KIAA0319L: variants seen among roughly 807,000 people sequenced by gnomAD.
KIAA0319L encodes dyslexia-associated protein KIAA0319-like protein.
A neutral mutation model predicts 120.1 loss-of-function variants in KIAA0319L; 55 were observed. The observed-to-expected ratio is 0.46, with a 90% CI of 0.37 to 0.57. The LOEUF (loss-of-function observed/expected upper bound fraction) is 0.57. KIAA0319L is among the 20% of genes least tolerant of loss of function. The pLI, the probability that KIAA0319L is intolerant of heterozygous loss-of-function variation, is 0.00. For synonymous variants in KIAA0319L, 398 were observed against 471.9 expected, an observed-to-expected ratio of 0.84 and a Z score of 2.03; for missense variants, 1,049 against 1,255.3, an observed-to-expected ratio of 0.84 and a Z score of 2.48.
chr1:35,516,818 C>A (rs1436692685), intron 2 of KIAA0319L, among the ~76,000 whole-genome samples: 1 of 152,146 alleles, frequency 6.6e-6, no homozygotes, highest in Non-Finnish European at 1.5e-5. Flanking sequence ...ACAGTCTCGG[C>A]CCAAAAGCTG....
At chr1:35,532,793 G>C (rs1397543583) in intron 2 of KIAA0319L, among the ~76,000 whole-genome samples, 2 of 152,156 alleles carry the variant, frequency 1.3e-5, no homozygotes, top group African/African-American at 4.8e-5. Flanking sequence ...AATCTTTTGG[G>C]AAAGTCTGGA....
intron 2 of KIAA0319L, among the ~76,000 whole-genome samples, chr1:35,537,461 G>A (rs769670569): frequency 1.4e-5 from 2 of 141,252 alleles, no homozygotes; most frequent in Non-Finnish European, 3.0e-5. Context: ...GCAGAAATAT[G>A]TAAATTAAAC....
chr1:35,500,470 TA>T (rs1206494816), intron 3 of KIAA0319L, among the ~76,000 whole-genome samples: 1 of 152,262 alleles, frequency 6.6e-6, no homozygotes, highest in African/African-American at 2.4e-5. Flanking sequence ...CATTCCTTTC[TA>T]CTTTTGGAAT....
At chr1:35,540,913 CGTATCT>C (rs1646760762) in intron 2 of KIAA0319L, among the ~76,000 whole-genome samples, 1 of 152,058 alleles carries the variant, frequency 6.6e-6, no homozygotes, top group South Asian at 2.1e-4. Flanking sequence ...GGGCAGAAAC[CGTATCT>C]GTCTTGCTCA....
At chr1:35,536,924 G>A (rs757836383) in intron 2 of KIAA0319L, among the ~76,000 whole-genome samples, 1 of 151,362 alleles carries the variant, frequency 6.6e-6, no homozygotes, top group Non-Finnish European at 1.5e-5. Flanking sequence ...TGCATATGAT[G>A]TACTCAGAAT....
chr1:35,547,090 A>G (rs1647010379), intron 2 of KIAA0319L, among the ~76,000 whole-genome samples: 1 of 145,694 alleles, frequency 6.9e-6, no homozygotes, highest in African/African-American at 2.5e-5. Flanking sequence ...TGGATCATAT[A>G]TATTATTACA....
intron 20 of KIAA0319L, chr1:35,440,359 T>C (rs1328406636): frequency 1.3e-5 from 2 of 152,244 alleles, no homozygotes; most frequent in African/African-American, 2.4e-5. Flanking sequence ...TATATAAAAA[T>C]AGTTCTACTT....
At chr1:35,517,817 A>T (rs1329397937) in intron 2 of KIAA0319L, among the ~76,000 whole-genome samples, 1 of 152,244 alleles carries the variant, frequency 6.6e-6, no homozygotes, top group Non-Finnish European at 1.5e-5. Flanking sequence ...CTTGCAAACT[A>T]TGCATCTGAC....
At position 35,480,752 on chromosome 1, in the gene KIAA0319L, C is replaced by T. The variant is rs997072488; in HGVS notation, c.667-1540G>A. Among the ~76,000 whole-genome samples the T allele has an allele frequency of 2.0e-5, 3 of 151,906 alleles. 1 individual carries two copies. The highest frequency in any genetic ancestry group is 6.6e-5 in the Admixed American group (1 of 15,242). On this transcript the variant is annotated intron_variant, in intron 3 of 20. Transcript: ENST00000325722. ...GTGAGCCGATATCATGCCACTGTAC[C>T]TCAGCCTGGGCGACAGAGTGAAACT...
chr1:35,515,644 T>C (rs1052594810), intron 2 of KIAA0319L, among the ~76,000 whole-genome samples: 2 of 151,540 alleles, frequency 1.3e-5, no homozygotes, highest in African/African-American at 4.9e-5. Context: ...ACATCACAAC[T>C]GAAAGAGAAG....
intron 2 of KIAA0319L, among the ~76,000 whole-genome samples, chr1:35,538,333 A>G (rs1161228620): frequency 6.6e-6 from 1 of 152,236 alleles, no homozygotes; most frequent in Admixed American, 6.5e-5. Context: ...GCTCACGCCT[A>G]TAATTCCAGC....
intron 3 of KIAA0319L, among the ~76,000 whole-genome samples, chr1:35,482,896 T>G (rs1188877336): frequency 6.6e-6 from 1 of 152,238 alleles, no homozygotes; most frequent in East Asian, 1.9e-4. Flanking sequence ...AGTTATCATA[T>G]AATCTTGACA....
At chr1:35,533,257 TC>T (rs1482549270) in intron 2 of KIAA0319L, 1 of 152,100 alleles carries the variant, frequency 6.6e-6, no homozygotes, top group Non-Finnish European at 1.5e-5. Flanking sequence ...AGACAGAACG[TC>T]CCCTGTTTCA....
intron 14 of KIAA0319L, 86 bp downstream of exon 14, chr1:35,450,272 G>C (rs1641957138): frequency 2.2e-6 from 3 of 1,377,848 alleles, no homozygotes; most frequent in Non-Finnish European, 3.0e-6. Flanking sequence ...TGATATAAGG[G>C]ACCACTTGAT....
At chr1:35,499,611 G>A (rs1234842624) in intron 3 of KIAA0319L, among the ~76,000 whole-genome samples, 1 of 151,838 alleles carries the variant, frequency 6.6e-6, no homozygotes, top group South Asian at 2.1e-4. Flanking sequence ...GCCAATAAAC[G>A]CAATTTCAAA....
Position 35,434,756 on chromosome 1 carries a change from G to A in KIAA0319L, c.*138C>T. On this transcript the variant is annotated 3_prime_UTR_variant, in exon 21 of 21. Coordinates refer to ENST00000325722, the MANE Select transcript of KIAA0319L (RefSeq NM_024874.5). ...TCCTGGAGGACGTCTCTGGATTCAA[G>A]TCCCAGGGGTTCTGGTTGGGACTGT... 1.5e-6 allele frequency: 1 copy of A among 673,072 alleles called. No homozygotes were observed. The highest frequency in any genetic ancestry group is 2.5e-6 in the Non-Finnish European group (1 of 404,732). 41.7% of individuals were successfully genotyped at this position (673,072 alleles called of 1,614,324 possible).
At position 35,444,168 on chromosome 1, in the gene KIAA0319L, G is replaced by A. The variant is rs765000757; in HGVS notation, c.2649C>T (p.Asn883=). 34 of 1,597,576 alleles carry A rather than the reference G, an allele frequency of 2.1e-5. No homozygotes were observed. The highest frequency in any genetic ancestry group is 2.8e-5 in the Non-Finnish European group (33 of 1,172,844). ...ATTCCCAGAATTACTCACTGACAGT[G>A]TTGACTTCCAAGGCTCTGAATATCA... The part of the protein sequence containing the change: ...DFLIFRALEV[N]TVTCQLNCSD... Residue 883 remains asparagine, a synonymous_variant, in exon 17 of 21, where the codon AAC becomes AAT. Coordinates refer to ENST00000325722, the MANE Select transcript of KIAA0319L (RefSeq NM_024874.5).
At chr1:35,550,459 T>C (rs1042747940) in intron 2 of KIAA0319L, among the ~76,000 whole-genome samples, 1 of 152,222 alleles carries the variant, frequency 6.6e-6, no homozygotes, top group African/African-American at 2.4e-5. Context: ...GTTGTTGCTT[T>C]TTCAAGTAGG....
chr1:35,444,147 C>A lies in KIAA0319L; in HGVS notation c.2656+14G>T. The stretch of plus-strand genomic sequence containing the variant: ...TAGGTAGGCTCTTGCTCCCAAATTC[C>A]CAGAATTACTCACTGACAGTGTTGA... On this transcript the variant is annotated intron_variant, in intron 17 of 20. Coordinates refer to ENST00000325722, the MANE Select transcript of KIAA0319L (RefSeq NM_024874.5). 9 of 1,576,884 alleles carry A rather than the reference C, an allele frequency of 5.7e-6. No homozygotes were observed. Among genetic ancestry groups the A allele is most frequent in the Non-Finnish European group, 7.8e-6 (9 of 1,160,658 alleles).
Sources: gnomAD v4.1 joint callset for allele counts (sites outside exome capture counted in the v4.1 genomes callset) on GRCh38, gnomAD v4.1.1 for gene constraint, MANE v1.5 for transcripts, NCBI Gene and HGNC (gene_info 2026-07-23, HGNC 2026-07-21) for gene names.